The following MCM6 variants were observed in gnomAD, a reference collection of about 807,000 sequenced individuals.
MCM6 encodes the protein minichromosome maintenance complex component 6.
In MCM6, 46 loss-of-function variants were observed where a neutral mutation model predicts 94.3. The observed-to-expected ratio is 0.49, with a 90% CI of 0.39 to 0.62. The LOEUF (loss-of-function observed/expected upper bound fraction) is 0.62. Among genes scored for constraint, MCM6 ranks in the 20% least tolerant of loss-of-function variants. The pLI is 0.00. For synonymous variants in MCM6, 335 were observed against 351.9 expected, an observed-to-expected ratio of 0.95 and a Z score of 0.54; for missense variants, 865 against 1,017.9, an observed-to-expected ratio of 0.85 and a Z score of 2.04.
rs554577041 is a variant in MCM6 at position 135,862,695 on chromosome 2, T to C, written c.1132A>G (p.Lys378Glu). ...AGAGAGGTCCCTTCTCCTGTTGTCT[T>C]TGGAACGCCACCAAAGAGCATCAGC... is the stretch of plus-strand genomic sequence containing the variant. ...VLLMLFGGVP[K>E]TTGEGTSLRG... The change falls in exon 8 of 17, where the codon AAG becomes GAG. Residue 378 changes from lysine (K) to glutamate (E), a missense_variant. By Grantham distance (56) the Lys-to-Glu change is moderately conservative. Coordinates refer to ENST00000264156, the MANE Select transcript of MCM6 (RefSeq NM_005915.6). 1 of 1,614,164 alleles carries C rather than the reference T, an allele frequency of 6.2e-7. No individual in the cohort carries two copies. Among genetic ancestry groups the C allele is most frequent in the South Asian group, 1.1e-5 (1 of 91,076 alleles).
At chr2:135,854,403 G>A (rs1334936750) in intron 11 of MCM6, among the ~76,000 whole-genome samples, 2 of 150,688 alleles carry the variant, frequency 1.3e-5, no homozygotes, top group Admixed American at 6.6e-5. Context: ...GGTGGCACAC[G>A]CCTGTGATCC....
At chr2:135,845,666 A>T (rs1679657472) in intron 15 of MCM6, among the ~76,000 whole-genome samples, 1 of 152,248 alleles carries the variant, frequency 6.6e-6, no homozygotes, top group African/African-American at 2.4e-5. Flanking sequence ...TAGGTTCAAC[A>T]TCTTGAATTC....
chr2:135,846,068 C>T (rs4988265), intron 15 of MCM6, among the ~76,000 whole-genome samples, 169 bp downstream of exon 15: 9,973 of 152,220 alleles, frequency 0.066, 875 homozygotes, highest in African/African-American at 0.2. Flanking sequence ...AATGTTCAGG[C>T]TGGCAGGTAT....
chr2:135,849,480 A>G (rs915959669), intron 13 of MCM6, among the ~76,000 whole-genome samples: 4 of 152,240 alleles, frequency 2.6e-5, no homozygotes, highest in Admixed American at 2.0e-4. Context: ...GATGTTTTCA[A>G]TTCTTCAAGT....
At chr2:135,845,565 G>A (rs905290294) in intron 15 of MCM6, among the ~76,000 whole-genome samples, 7 of 152,178 alleles carry the variant, frequency 4.6e-5, no homozygotes, top group African/African-American at 1.7e-4. Context: ...AGCAAATACT[G>A]TGATGACAAA....
At chr2:135,876,200 C>T (rs1680293832) in intron 1 of MCM6, 59 bp downstream of exon 1, 1 of 1,401,464 alleles carries the variant, frequency 7.1e-7, no homozygotes, top group Admixed American at 2.6e-5. Flanking sequence ...ACGGCACCGC[C>T]TGGCCCAGAC....
intron 13 of MCM6, among the ~76,000 whole-genome samples, chr2:135,849,612 T>G (rs1038660340): frequency 5.9e-5 from 9 of 152,188 alleles, no homozygotes; most frequent in Non-Finnish European, 1.0e-4. Context: ...GCCCTACATT[T>G]AAACTACAAA....
chr2:135,854,203 G>A (rs1014058321), intron 11 of MCM6, among the ~76,000 whole-genome samples: 3 of 152,026 alleles, frequency 2.0e-5, no homozygotes, highest in African/African-American at 4.8e-5. Context: ...CTCCAGCCTG[G>A]GCAATACAGC....
At position 135,868,668 on chromosome 2, in the gene MCM6, G is replaced by A. The variant is rs1680143881; in HGVS notation, c.558C>T (p.Ala186=). ...QPNICRNPVC[A]NRRRFLLDTN... Reference sequence around the variant, plus strand: ...TATCCAGTAAGAATCTCCTCCTGTTGGCACAAACTGGATTTCGGCAGATGT... The same window carrying A: ...TATCCAGTAAGAATCTCCTCCTGTTAGCACAAACTGGATTTCGGCAGATGT... Residue 186 remains alanine (A), a synonymous_variant, in exon 4 of 17, where the codon GCC becomes GCT. Coordinates refer to ENST00000264156, the MANE Select transcript of MCM6 (RefSeq NM_005915.6). 1 of 1,613,898 alleles carries A rather than the reference G, an allele frequency of 6.2e-7. No individual in the cohort carries two copies. The highest frequency in any genetic ancestry group is 1.3e-5 in the African/African-American group (1 of 74,896).
At position 135,862,558 on chromosome 2, in the gene MCM6, G is replaced by T. The variant is rs138453574; in HGVS notation, c.1220+49C>A. On this transcript the variant is annotated intron_variant, in intron 8 of 16. Transcript: ENST00000264156. ...CATTCTTGGTAGCACAGCCAGCCTGGGAACTATGTACACTTTTTCCTGCAA... is the reference window on the plus strand; with the variant it reads ...CATTCTTGGTAGCACAGCCAGCCTGTGAACTATGTACACTTTTTCCTGCAA... 423 of 1,605,082 alleles carry T rather than the reference G, an allele frequency of 2.6e-4. 1 individual carries two copies. The East Asian group carries it at 6.8e-3, about 26-fold the overall frequency.
At chr2:135,862,214 AGTAT>A (rs1424762471) in intron 8 of MCM6, among the ~76,000 whole-genome samples, 2 of 152,032 alleles carry the variant, frequency 1.3e-5, no homozygotes, top group African/African-American at 4.8e-5. Flanking sequence ...TGAAATTACA[AGTAT>A]GTATAATATG....
chr2:135,861,911 C>T (rs1324718919), intron 8 of MCM6, among the ~76,000 whole-genome samples: 3 of 152,168 alleles, frequency 2.0e-5, no homozygotes, highest in Non-Finnish European at 4.4e-5. Context: ...CCATGGCACC[C>T]GGCCAGTACA....
chr2:135,852,924 A>G lies in MCM6; in HGVS notation c.1627-9T>C, dbSNP rs371312292. 57 of 1,584,400 alleles carry G rather than the reference A, an allele frequency of 3.6e-5. No homozygotes were observed. In the Admixed American group the frequency reaches 4.2e-4, roughly 12 times the overall value. On this transcript the variant is annotated splice_polypyrimidine_tract_variant and intron_variant, in intron 11 of 16. Coordinates refer to ENST00000264156, the MANE Select transcript of MCM6 (RefSeq NM_005915.6). ...ATGGCATAATCTGTAACCTAATTCA[A>G]AACAAAAAAATCACTTTGATAGTCA...
intron 12 of MCM6, chr2:135,851,792 T>A (rs935838867): frequency 4.0e-5 from 14 of 350,132 alleles, no homozygotes; most frequent in Admixed American, 2.9e-4. Flanking sequence ...AAAAAAGGCT[T>A]AGTATTTAAG....
At chr2:135,843,644 G>A (rs1344839059) in intron 16 of MCM6, among the ~76,000 whole-genome samples, 2 of 151,026 alleles carry the variant, frequency 1.3e-5, no homozygotes, top group African/African-American at 2.4e-5. Context: ...GCTGAGACAG[G>A]AGAATCGCTT....
At chr2:135,859,713 G>A (rs1015302441) in intron 8 of MCM6, among the ~76,000 whole-genome samples, 13 of 151,330 alleles carry the variant, frequency 8.6e-5, no homozygotes, top group Admixed American at 2.6e-4. Context: ...GGCGATTCTC[G>A]TGCCTCAGCC....
chr2:135,871,241 T>G (rs1478640994), intron 2 of MCM6, among the ~76,000 whole-genome samples: 1 of 152,204 alleles, frequency 6.6e-6, no homozygotes, highest in Non-Finnish European at 1.5e-5. Flanking sequence ...GGCGCTACTC[T>G]CAGGAAAGAG....
chr2:135,842,299 C>A (rs1679587739), intron 16 of MCM6, among the ~76,000 whole-genome samples: 1 of 152,130 alleles, frequency 6.6e-6, no homozygotes, highest in Non-Finnish European at 1.5e-5. Context: ...TGTTCTTACA[C>A]CTCCCTACCC....
chr2:135,866,559 T>C lies in MCM6; in HGVS notation c.781+4A>G. On this transcript the variant is annotated splice_donor_region_variant and intron_variant, in intron 5 of 16. Transcript: ENST00000264156. ...TTGTTAAATTTGAGCCACAGATTAC[T>C]GACCTGGTGTGCTAAGCTTGGAGAC... 1 of 1,606,664 alleles carries C rather than the reference T, an allele frequency of 6.2e-7. No homozygotes were observed. The highest frequency in any genetic ancestry group is 1.1e-5 in the South Asian group (1 of 89,528).
Sources: allele counts gnomAD v4.1 joint callset (sites outside exome capture counted in the v4.1 genomes callset), GRCh38; gene constraint gnomAD v4.1.1; transcripts MANE v1.5; gene names NCBI Gene and HGNC (gene_info 2026-07-23, HGNC 2026-07-21).